The following RGS7 variants were observed in gnomAD, a reference collection of about 807,000 sequenced individuals.
The protein encoded by RGS7 is regulator of G-protein signaling 7.
RGS7 carries 27 observed loss-of-function variants against 81.1 expected under a neutral mutation model. The ratio of observed to expected loss-of-function variants is 0.33; its 90% CI spans 0.25 to 0.46. The LOEUF is 0.46. RGS7 is among the 20% of genes least tolerant of loss of function. The pLI is 1.00. For missense variants in RGS7, 396 were observed against 607.4 expected (o/e 0.65, Z 3.66); for synonymous variants, 208 against 207.7 (o/e 1.00, Z -0.01).
intron 2 of RGS7, among the ~76,000 whole-genome samples, chr1:241,234,778 G>T (rs1232773608): frequency 4.0e-5 from 6 of 151,780 alleles, no homozygotes; most frequent in African/African-American, 1.5e-4. Flanking sequence ...TGCATCTTCA[G>T]TACCTGGTGC....
intron 3 of RGS7, among the ~76,000 whole-genome samples, chr1:241,021,084 C>T (rs72758819): frequency 0.057 from 8,634 of 152,220 alleles, 342 homozygotes; most frequent in South Asian, 0.082. Context: ...AGCTGTACTG[C>T]CTCATCTTCT....
At chr1:241,072,950 G>A (rs1465543351) in intron 3 of RGS7, among the ~76,000 whole-genome samples, 1 of 152,090 alleles carries the variant, frequency 6.6e-6, no homozygotes, top group Non-Finnish European at 1.5e-5. Context: ...GAGGCTGCAT[G>A]GAGTAGGGGA....
chr1:240,794,230 T>C (rs140549156), intron 18 of RGS7, among the ~76,000 whole-genome samples: 49 of 152,206 alleles, frequency 3.2e-4, no homozygotes, highest in South Asian at 6.2e-4. Flanking sequence ...AAAAAGAACT[T>C]TCTGAATACT....
chr1:241,335,491 A>G (rs1407943231), intron 2 of RGS7, among the ~76,000 whole-genome samples: 3 of 152,204 alleles, frequency 2.0e-5, no homozygotes, highest in African/African-American at 7.2e-5. Flanking sequence ...TATTCATAAA[A>G]TATTAGTCAA....
intron 2 of RGS7, among the ~76,000 whole-genome samples, chr1:241,124,514 T>C (rs968700228): frequency 6.6e-6 from 1 of 152,230 alleles, no homozygotes; most frequent in African/African-American, 2.4e-5. Flanking sequence ...ATAGCCCTAT[T>C]CCCTCTTAAG....
chr1:241,274,293 T>C (rs534033990), intron 2 of RGS7, among the ~76,000 whole-genome samples: 1 of 152,220 alleles, frequency 6.6e-6, no homozygotes, highest in Non-Finnish European at 1.5e-5. Flanking sequence ...TTTTGTTGGA[T>C]ATGTAAAAAG....
chr1:241,254,162 T>C (rs1480211750), intron 2 of RGS7, among the ~76,000 whole-genome samples: 1 of 138,614 alleles, frequency 7.2e-6, no homozygotes, highest in Admixed American at 7.8e-5. Flanking sequence ...ATGGCGCCAC[T>C]GCACCCAGCC....
chr1:241,089,474 C>T (rs1046362679), intron 3 of RGS7, among the ~76,000 whole-genome samples: 1 of 151,908 alleles, frequency 6.6e-6, no homozygotes, highest in African/African-American at 2.4e-5. Flanking sequence ...CTTGCCAAAC[C>T]CCAAAAACCA....
chr1:241,295,065 T>C (rs2079320656), intron 2 of RGS7, among the ~76,000 whole-genome samples: 1 of 152,250 alleles, frequency 6.6e-6, no homozygotes, highest in Admixed American at 6.5e-5. Flanking sequence ...TGTAAGAATT[T>C]TAGTTCCTTC....
chr1:240,829,524 C>T (rs757953480), intron 9 of RGS7, among the ~76,000 whole-genome samples: 1 of 152,158 alleles, frequency 6.6e-6, no homozygotes, highest in African/African-American at 2.4e-5. Flanking sequence ...ATTAAAGGAT[C>T]GAGTTTTCAC....
chr1:241,207,009 C>T (rs1260305187), intron 2 of RGS7, among the ~76,000 whole-genome samples: 1 of 124,662 alleles, frequency 8.0e-6, no homozygotes, highest in Non-Finnish European at 1.6e-5. Flanking sequence ...CGCTCTGTTG[C>T]CCAGGCTGGA....
At chr1:241,343,577 T>C (rs1283075017) in intron 2 of RGS7, among the ~76,000 whole-genome samples, 1 of 152,186 alleles carries the variant, frequency 6.6e-6, no homozygotes, top group Admixed American at 6.5e-5. Context: ...TCACATATAA[T>C]ACAAGTGAAA....
intron 4 of RGS7, among the ~76,000 whole-genome samples, chr1:240,952,900 C>G (rs1450418277): frequency 6.6e-6 from 1 of 151,742 alleles, no homozygotes; most frequent in African/African-American, 2.4e-5. Flanking sequence ...AATACAGAAG[C>G]AATATTAAGT....
chr1:241,296,959 C>T (rs560589956), intron 2 of RGS7, among the ~76,000 whole-genome samples: 26 of 151,140 alleles, frequency 1.7e-4, no homozygotes, highest in African/African-American at 2.2e-4. Flanking sequence ...TCACAATTTT[C>T]GCAGCTCCTT....
chr1:240,872,066 T>C (rs1168564500), intron 6 of RGS7, among the ~76,000 whole-genome samples: 1 of 152,224 alleles, frequency 6.6e-6, no homozygotes, highest in Non-Finnish European at 1.5e-5. Flanking sequence ...AAAGACATTA[T>C]GTATCTTGTA....
rs769802453 is a variant in RGS7, at chr1:240,868,558, T to A, written c.609+29A>T. The A allele has an allele frequency of 7.5e-6, 12 of 1,607,654 alleles. No homozygotes were observed. Among genetic ancestry groups the A allele is most frequent in the Non-Finnish European group, 1.0e-5 (12 of 1,174,262 alleles). ...ACTTCCCACAGACGGAGAAGATGGA[T>A]TCAAGACGAGAGTGCGACGCTTGCT... is the stretch of plus-strand genomic sequence containing the variant. On this transcript the variant is annotated intron_variant, in intron 9 of 18. Coordinates refer to ENST00000440928, the MANE Select transcript of RGS7 (RefSeq NM_001364886.1). The surrounding 1 kb of genome is among the most constrained non-coding windows in gnomAD (Gnocchi z 5.1).
intron 18 of RGS7, among the ~76,000 whole-genome samples, chr1:240,785,077 C>T (rs1453313711): frequency 1.3e-5 from 2 of 152,152 alleles, no homozygotes; most frequent in Non-Finnish European, 2.9e-5. Flanking sequence ...ATAGGCAGTG[C>T]TCTTAGCAGA....
At chr1:240,937,048 G>A (rs556112923) in intron 4 of RGS7, among the ~76,000 whole-genome samples, 24 of 152,150 alleles carry the variant, frequency 1.6e-4, no homozygotes, top group East Asian at 9.7e-4. Flanking sequence ...TGCCTTTGCC[G>A]TGCCCTGACA....
intron 3 of RGS7, among the ~76,000 whole-genome samples, chr1:240,998,081 CG>C (rs1407534342): frequency 1.5e-4 from 23 of 152,140 alleles, no homozygotes; most frequent in Non-Finnish European, 1.2e-4. Flanking sequence ...CAGAGGATTA[CG>C]GATTGACAGT....
Sources: gnomAD v4.1 joint callset for allele counts (sites outside exome capture counted in the v4.1 genomes callset) on GRCh38, gnomAD v4.1.1 for gene constraint, Gnocchi (gnomAD v3.1) non-coding constraint, MANE v1.5 for transcripts, NCBI Gene and HGNC (gene_info 2026-07-23, HGNC 2026-07-21) for gene names.